The following CA1 variants were observed in gnomAD, a reference collection of about 807,000 sequenced individuals.
CA1 encodes carbonate dehydratase I.
In CA1, 27 loss-of-function variants were observed where a neutral mutation model predicts 28.8. The observed-to-expected ratio is 0.94, with a 90% confidence interval of 0.69 to 1.29. The LOEUF (loss-of-function observed/expected upper bound fraction) is 1.29, where lower values mean the gene tolerates loss of function less well. CA1 is among the 50% of genes most tolerant of loss of function. The pLI is 0.00. For synonymous variants in CA1, 121 were observed against 108.8 expected, an observed-to-expected ratio of 1.11 and a Z score of -0.70; for missense variants, 335 against 310.5, an observed-to-expected ratio of 1.08 and a Z score of -0.59.
In CA1 at chr8:85,354,411, C is replaced by A. The variant is rs145086465; in HGVS notation, c.-24-12752G>T. ...CTCTTAGATACACCCCAGAGTACCA[C>A]CTTTTAGCAGAGAAGTCCATTCTTC... On this transcript the variant is annotated intron_variant, in intron 1 of 7. Coordinates refer to ENST00000523022, the MANE Select transcript of CA1 (RefSeq NM_001128831.4). Among the ~76,000 whole-genome samples the A allele has an allele frequency of 4.1e-3, 630 of 152,012 alleles. 5 individuals are homozygous for A. The highest frequency in any genetic ancestry group is 0.014 in the African/African-American group (600 of 41,410).
At chr8:85,351,183 A>G (rs1809397273) in intron 1 of CA1, among the ~76,000 whole-genome samples, 1 of 152,236 alleles carries the variant, frequency 6.6e-6, no homozygotes, top group Non-Finnish European at 1.5e-5. Context: ...TTATTAGTAA[A>G]GGCCAGTGAC....
At chr8:85,366,519 TC>T in intron 1 of CA1, among the ~76,000 whole-genome samples, 1 of 152,280 alleles carries the variant, frequency 6.6e-6, no homozygotes, top group African/African-American at 2.4e-5. Flanking sequence ...CTGATAATAT[TC>T]CTGCGGAAGC....
chr8:85,376,887 C>T (rs117072514), intron 1 of CA1, among the ~76,000 whole-genome samples: 1,915 of 152,156 alleles, frequency 0.013, 21 homozygotes, highest in Middle Eastern at 0.027. Flanking sequence ...ACTGACACTT[C>T]AACCCTGGCC....
At chr8:85,337,114 T>A (rs777616916) in intron 3 of CA1, 51 bp from the exon 4 acceptor site, 12 of 994,578 alleles carry the variant, frequency 1.2e-5, no homozygotes, top group Non-Finnish European at 1.8e-5. Context: ...AAACTCTAGC[T>A]TATCTTTGCA....
intron 1 of CA1, chr8:85,342,707 C>T (rs1476585147): frequency 6.6e-6 from 1 of 152,218 alleles, no homozygotes; most frequent in Non-Finnish European, 1.5e-5. Flanking sequence ...GTTCAAAGCT[C>T]TAAACATGCT....
rs1016708982 is a variant in CA1 at position 85,327,927 on chromosome 8, GAGA to G, written c.*630_*632del. On this transcript the variant is annotated 3_prime_UTR_variant, in exon 8 of 8. Transcript: ENST00000523022. ...GAAGCATTGTCCTTGCTAACGTGGG[GAGA>G]AGAAGTGAAAGCAATATCCAGAAGC... 2 of 152,202 alleles carry G rather than the reference GAGA, an allele frequency of 1.3e-5. No homozygotes were observed. Among genetic ancestry groups the G allele is most frequent in the Non-Finnish European group, 2.9e-5 (2 of 68,072 alleles). 9.4% of individuals were successfully genotyped at this position (152,202 alleles called of 1,614,324 possible). A position where few individuals can be genotyped will look rare whatever the true frequency, so the allele number is the denominator to read the frequency against.
intron 5 of CA1, among the ~76,000 whole-genome samples, 171 bp from the exon 6 acceptor site, chr8:85,332,723 C>CT (rs1808461127): frequency 1.3e-5 from 2 of 152,052 alleles, no homozygotes; most frequent in South Asian, 4.1e-4. Context: ...CCTTTGTACT[C>CT]TATAAATTGT....
chr8:85,343,245 G>T (rs913257199), intron 1 of CA1: 5 of 152,084 alleles, frequency 3.3e-5, no homozygotes, highest in Non-Finnish European at 7.4e-5. Flanking sequence ...GAAAAAAATT[G>T]TGTTTTACAT....
chr8:85,333,685 G>C, intron 4 of CA1, 65 bp from the exon 5 acceptor site: 2 of 1,012,566 alleles, frequency 2.0e-6, no homozygotes, highest in Non-Finnish European at 3.0e-6. Flanking sequence ...TAAGTTATAA[G>C]TTAACTTGTT....
intron 1 of CA1, among the ~76,000 whole-genome samples, chr8:85,361,097 C>T (rs7815610): frequency 0.025 from 3,838 of 152,236 alleles, 171 homozygotes; most frequent in African/African-American, 0.087. Flanking sequence ...TTGTCCCATC[C>T]TGAGAGTGGA....
intron 1 of CA1, among the ~76,000 whole-genome samples, chr8:85,345,844 A>G (rs1471261406): frequency 6.6e-6 from 1 of 152,190 alleles, no homozygotes; most frequent in Non-Finnish European, 1.5e-5. Context: ...TGGGAGAATG[A>G]GAACACTGAT....
chr8:85,360,933 C>G (rs1182142262), intron 1 of CA1, among the ~76,000 whole-genome samples: 1 of 152,202 alleles, frequency 6.6e-6, no homozygotes, highest in Admixed American at 6.5e-5. Flanking sequence ...CACCATTTCT[C>G]TCTTGCAGAA....
intron 1 of CA1, among the ~76,000 whole-genome samples, chr8:85,375,506 TC>T (rs1810376957): frequency 7.4e-6 from 1 of 135,872 alleles, no homozygotes; most frequent in African/African-American, 2.5e-5. Context: ...CCTGTTTTTT[TC>T]CTTTTCTTTT....
chr8:85,344,275 TTA>T lies in CA1; in HGVS notation c.-24-2618_-24-2617del, dbSNP rs1344586000. ...ATTATATACAGTATATAATATATAA[TTA>T]TATATTATATACAGTATATAATATA... On this transcript the variant is annotated intron_variant, in intron 1 of 7. Coordinates refer to ENST00000523022, the MANE Select transcript of CA1 (RefSeq NM_001128831.4). Among the ~76,000 whole-genome samples the T allele has an allele frequency of 1.4e-3, 89 of 65,058 alleles. 1 individual carries two copies. The highest frequency in any genetic ancestry group is 2.0e-3 in the African/African-American group (39 of 19,362). The allele number at this position is 65,058 out of a possible 152,430, so 42.7% of individuals were successfully genotyped here.
chr8:85,362,516 TG>T (rs1469153050), intron 1 of CA1, among the ~76,000 whole-genome samples: 1 of 152,142 alleles, frequency 6.6e-6, no homozygotes, highest in Non-Finnish European at 1.5e-5. Context: ...AAATAAAAGA[TG>T]ATTTTTGGCC....
chr8:85,335,616 T>C (rs1256113029), intron 4 of CA1, among the ~76,000 whole-genome samples: 4 of 152,180 alleles, frequency 2.6e-5, no homozygotes. Flanking sequence ...TTTAATCATA[T>C]GCTAAACTTT....
intron 1 of CA1, among the ~76,000 whole-genome samples, chr8:85,344,718 C>T (rs1460800340): frequency 6.6e-6 from 1 of 151,966 alleles, no homozygotes; most frequent in African/African-American, 2.4e-5. Flanking sequence ...AAAAGAGTGC[C>T]ATCCGTGCCT....
chr8:85,333,444 T>C, intron 5 of CA1, 81 bp downstream of exon 5: 1 of 849,942 alleles, frequency 1.2e-6, no homozygotes, highest in South Asian at 1.4e-5. Context: ...TTCTAAAATA[T>C]ATGTTGCCTT....
intron 1 of CA1, among the ~76,000 whole-genome samples, chr8:85,371,908 C>G (rs1419051194): frequency 6.6e-6 from 1 of 152,102 alleles, no homozygotes; most frequent in African/African-American, 2.4e-5. Flanking sequence ...GCTCAACCAT[C>G]AAACATCCAT....
Sources: gnomAD v4.1 joint callset for allele counts (sites outside exome capture counted in the v4.1 genomes callset) on GRCh38, gnomAD v4.1.1 for gene constraint, MANE v1.5 for transcripts, NCBI Gene and HGNC (gene_info 2026-07-23, HGNC 2026-07-21) for gene names.